The following ITPR1 variants were observed in gnomAD, a reference collection of about 807,000 sequenced individuals.
ITPR1 encodes the protein inositol 1,4,5-trisphosphate-gated calcium channel ITPR1.
A neutral mutation model predicts 318.4 loss-of-function variants in ITPR1; 96 were observed. The observed-to-expected ratio is 0.30, with a 90% CI of 0.26 to 0.36. The LOEUF (loss-of-function observed/expected upper bound fraction) is 0.36. ITPR1 is among the 10% of genes least tolerant of loss of function. The probability of loss-of-function intolerance (pLI) is 1.00; values close to 1 mark genes in which losing one functional copy is unlikely to be tolerated. For synonymous variants in ITPR1, 1,312 were observed against 1,289.9 expected, an observed-to-expected ratio of 1.02 and a Z score of -0.37; for missense variants, 2,440 against 3,460.2, an observed-to-expected ratio of 0.71 and a Z score of 7.40.
intron 4 of ITPR1, among the ~76,000 whole-genome samples, chr3:4,609,089 T>TATATACAC (rs1171860541): frequency 1.1e-5 from 1 of 91,936 alleles, no homozygotes; most frequent in Non-Finnish European, 2.3e-5. Flanking sequence ...TATATATATA[T>TATATACAC]ACACACACAC....
At chr3:4,697,422 A>C in intron 34 of ITPR1, 150 bp downstream of exon 34, 2 of 508,398 alleles carry the variant, frequency 3.9e-6, no homozygotes, top group Non-Finnish European at 6.4e-6. Flanking sequence ...ATGAGGAGGC[A>C]CTTGTGACTT....
At chr3:4,554,347 A>T (rs2085897617) in intron 4 of ITPR1, among the ~76,000 whole-genome samples, 1 of 152,196 alleles carries the variant, frequency 6.6e-6, no homozygotes. Context: ...GGTTTTAGAG[A>T]ATACATTTTT....
At chr3:4,790,188 TAG>T (rs2047464923) in intron 52 of ITPR1, among the ~76,000 whole-genome samples, 1 of 152,138 alleles carries the variant, frequency 6.6e-6, no homozygotes, top group Admixed American at 6.5e-5. Context: ...CAGCCTGGAA[TAG>T]TAGGAGGACC....
chr3:4,794,517 G>C (rs2125414537), intron 52 of ITPR1, among the ~76,000 whole-genome samples: 1 of 152,308 alleles, frequency 6.6e-6, no homozygotes, highest in Non-Finnish European at 1.5e-5. Flanking sequence ...TCATTGTCTT[G>C]CTTTTAGGCA....
chr3:4,592,292 T>G (rs1321364410), intron 4 of ITPR1, among the ~76,000 whole-genome samples: 1 of 152,256 alleles, frequency 6.6e-6, no homozygotes, highest in Admixed American at 6.5e-5. Context: ...TAATAGCATT[T>G]GGTCTCTCTT....
chr3:4,600,752 C>G (rs1019134011), intron 4 of ITPR1, among the ~76,000 whole-genome samples: 1 of 152,180 alleles, frequency 6.6e-6, no homozygotes, highest in East Asian at 1.9e-4. Flanking sequence ...GTCACATGAG[C>G]TAATTTCCTG....
intron 47 of ITPR1, 119 bp downstream of exon 47, chr3:4,775,561 G>A: frequency 1.4e-6 from 1 of 710,758 alleles, no homozygotes; most frequent in Non-Finnish European, 2.4e-6. Context: ...CAGTAGGACA[G>A]GAGGCTGTCT....
intron 10 of ITPR1, among the ~76,000 whole-genome samples, chr3:4,651,814 G>A (rs547872890): frequency 6.6e-5 from 10 of 152,340 alleles, no homozygotes; most frequent in Admixed American, 1.3e-4. Flanking sequence ...TATTGGCTGT[G>A]CTTTTGGTAG....
Position 4,658,268 on chromosome 3 carries a change from C to G in ITPR1, c.1141C>G (p.Leu381Val), listed in dbSNP as rs749779808. The G allele has an allele frequency of 6.2e-7, 1 of 1,610,944 alleles. No homozygotes were observed. Among genetic ancestry groups the G allele is most frequent in the Admixed American group, 1.7e-5 (1 of 59,898 alleles). Residue 381 changes from leucine to valine, a missense_variant, in exon 13 of 62, where the codon CTT (leucine) becomes GTT (valine). Around this residue, in one of 23 missense-constraint regions of ITPR1, gnomAD observed 101 missense variants for 119.6 expected, o/e 0.84. Transcript: ENST00000649015. ...CACCACTCTGCGTGGAGGTGACAGC[C>G]TTGTCCCAAGGTATCATTTTAAAAT... ...DPTTLRGGDSLVPRNSYVRLR... is the reference protein window; with the variant it reads ...DPTTLRGGDSVVPRNSYVRLR...
intron 2 of ITPR1, among the ~76,000 whole-genome samples, chr3:4,501,210 G>C (rs2080998304): frequency 6.6e-6 from 1 of 151,852 alleles, no homozygotes; most frequent in South Asian, 2.1e-4. Context: ...AAACATGGAA[G>C]TGTATTTCGT....
chr3:4,675,164 G>A lies in ITPR1; in HGVS notation c.2695G>A (p.Val899Ile). The A allele has an allele frequency of 1.2e-6, 2 of 1,611,856 alleles. No homozygotes were observed. The highest frequency in any genetic ancestry group is 2.7e-5 in the African/African-American group (2 of 74,988). ...TKILLAILDC[V>I]HVTTIFPISK... is the part of the protein sequence containing the mutation. ...GATCCTTCTGGCCATATTGGACTGT[G>A]TACATGTGACAACAATCTTCCCCAT... is the stretch of plus-strand genomic sequence containing the variant. The change falls in exon 23 of 62, where the codon GTA becomes ATA. Residue 899 changes from valine to isoleucine, a missense_variant. This residue lies in a region of ITPR1 where 478 missense variants were observed against 696.3 expected (regional missense o/e 0.69). Transcript: ENST00000649015.
chr3:4,544,969 ATT>A (rs959004333), intron 4 of ITPR1, among the ~76,000 whole-genome samples: 2 of 151,694 alleles, frequency 1.3e-5, no homozygotes, highest in Admixed American at 6.6e-5. Flanking sequence ...AATTTTGTTT[ATT>A]TTTTTGTATA....
intron 2 of ITPR1, among the ~76,000 whole-genome samples, chr3:4,512,590 T>G (rs776894079): frequency 9.2e-5 from 14 of 152,206 alleles, no homozygotes; most frequent in Non-Finnish European, 1.6e-4. Flanking sequence ...CACATCTGAT[T>G]TTTTAAACAG....
chr3:4,653,393 A>G (rs2093639347), intron 11 of ITPR1, among the ~76,000 whole-genome samples: 1 of 152,214 alleles, frequency 6.6e-6, no homozygotes, highest in African/African-American at 2.4e-5. Flanking sequence ...GCCATAGGGA[A>G]TTACAGACCC....
intron 52 of ITPR1, among the ~76,000 whole-genome samples, chr3:4,793,791 A>G (rs1346287553): frequency 6.6e-6 from 1 of 152,164 alleles, no homozygotes; most frequent in Non-Finnish European, 1.5e-5. Flanking sequence ...ACAATGAGGG[A>G]TTTTAAACTA....
intron 34 of ITPR1, among the ~76,000 whole-genome samples, chr3:4,698,378 A>AT (rs1214418933): frequency 2.0e-5 from 3 of 152,256 alleles, no homozygotes; most frequent in South Asian, 2.1e-4. Context: ...TCACAGACAT[A>AT]TTTTTTTAAA....
At chr3:4,538,711 C>T (rs141868636) in intron 4 of ITPR1, among the ~76,000 whole-genome samples, 3 of 152,250 alleles carry the variant, frequency 2.0e-5, no homozygotes, top group African/African-American at 7.2e-5. Context: ...GAATACTATG[C>T]AGCTATAAAA....
At chr3:4,841,397 T>G (rs1203087545) in intron 61 of ITPR1, among the ~76,000 whole-genome samples, 2 of 152,184 alleles carry the variant, frequency 1.3e-5, no homozygotes, top group Admixed American at 1.3e-4. Context: ...GGAATCAGCA[T>G]GAGCAACGGC....
intron 4 of ITPR1, among the ~76,000 whole-genome samples, chr3:4,557,384 C>A (rs768755021): frequency 1.3e-5 from 2 of 152,176 alleles, no homozygotes; most frequent in Non-Finnish European, 2.9e-5. Context: ...TCAATTACCT[C>A]CCGCCAGGTC....
Sources: gnomAD v4.1 joint callset for allele counts (sites outside exome capture counted in the v4.1 genomes callset) on GRCh38, gnomAD v4.1.1 for gene constraint, gnomAD v4.1.1 regional missense constraint, MANE v1.5 for transcripts, NCBI Gene and HGNC (gene_info 2026-07-23, HGNC 2026-07-21) for gene names.